Variants in LYN observed in about 807,000 individuals in gnomAD.
The protein encoded by LYN is tyrosine-protein kinase Lyn.
Under a neutral mutation model 65.0 loss-of-function variants are expected in LYN, and 12 were observed. The observed-to-expected ratio is 0.18, with a 90% CI of 0.12 to 0.30. The LOEUF (loss-of-function observed/expected upper bound fraction) is 0.30, where lower values mean the gene tolerates loss of function less well. Among genes scored for constraint, LYN ranks in the 10% least tolerant of loss-of-function variants. The probability of loss-of-function intolerance (pLI) is 1.00; values close to 1 mark genes in which losing one functional copy is unlikely to be tolerated. For synonymous variants in LYN, 222 were observed against 221.2 expected (o/e 1.00, Z -0.03); for missense variants, 380 against 623.2 (o/e 0.61, Z 4.16).
At chr8:55,993,177 T>A (rs2130573824) in intron 10 of LYN, among the ~76,000 whole-genome samples, 1 of 152,340 alleles carries the variant, frequency 6.6e-6, no homozygotes, top group South Asian at 2.1e-4. Flanking sequence ...TAATTTTAAT[T>A]CAGTAATTCT....
At chr8:55,906,748 A>AG (rs11417223) in intron 1 of LYN, among the ~76,000 whole-genome samples, 26,023 of 150,660 alleles carry the variant, frequency 0.17, 2,395 homozygotes, top group Middle Eastern at 0.29. Flanking sequence ...GAGAGAGAGG[A>AG]GAGAGAGAGA....
chr8:55,884,685 C>A (rs1804742337), intron 1 of LYN, among the ~76,000 whole-genome samples: 2 of 151,874 alleles, frequency 1.3e-5, no homozygotes, highest in South Asian at 2.1e-4. Flanking sequence ...GAACTCCTGA[C>A]CTTAGGTGAG....
At chr8:55,891,541 A>G (rs1400598059) in intron 1 of LYN, among the ~76,000 whole-genome samples, 1 of 151,986 alleles carries the variant, frequency 6.6e-6, no homozygotes, top group East Asian at 1.9e-4. Flanking sequence ...TTGATGGGGG[A>G]GGGAATGGGA....
chr8:55,977,303 A>G (rs17812659), intron 10 of LYN, among the ~76,000 whole-genome samples: 21,910 of 152,290 alleles, frequency 0.14, 2,140 homozygotes, highest in Middle Eastern at 0.23. Context: ...AAAAATGCTT[A>G]TACTCAGCAA....
Position 55,956,649 on chromosome 8 carries a change from C to T in LYN, c.790+2665C>T, listed in dbSNP as rs72651497. On this transcript the variant is annotated intron_variant, in intron 8 of 12. Transcript: ENST00000519728. ...GTGAATTCTCTTCCCTCTTAGAAGC[C>T]GTCACTTCTCTATAAAGCTCCAGTC... is the stretch of plus-strand genomic sequence containing the variant. Among the ~76,000 whole-genome samples the T allele has an allele frequency of 4.1e-3, 630 of 152,238 alleles. 3 individuals carry two copies. Among genetic ancestry groups the T allele is most frequent in the Non-Finnish European group, 7.6e-3 (519 of 68,016 alleles).
intron 6 of LYN, 63 bp from the exon 7 acceptor site, chr8:55,951,900 AGTT>A (rs1806961256): frequency 8.0e-7 from 1 of 1,254,956 alleles, no homozygotes; most frequent in South Asian, 1.4e-5. Context: ...TGTGTACTGC[AGTT>A]GTTGTATAAT....
intron 12 of LYN, among the ~76,000 whole-genome samples, chr8:56,002,557 G>T (rs1486700501): frequency 1.3e-5 from 2 of 151,374 alleles, no homozygotes; most frequent in African/African-American, 4.8e-5. Context: ...AGCCAAGATT[G>T]CACCACTGCA....
At chr8:55,926,038 A>G (rs1806100856) in intron 1 of LYN, among the ~76,000 whole-genome samples, 1 of 152,190 alleles carries the variant, frequency 6.6e-6, no homozygotes, top group African/African-American at 2.4e-5. Flanking sequence ...TTTTTTATTT[A>G]ATTACACAAT....
At chr8:55,982,272 ATGCT>A (rs1435911444) in intron 10 of LYN, among the ~76,000 whole-genome samples, 1 of 152,066 alleles carries the variant, frequency 6.6e-6, no homozygotes, top group Admixed American at 6.5e-5. Context: ...CTTATTCAAA[ATGCT>A]TAGGTCCAGA....
At chr8:55,977,068 C>T (rs2130543904) in intron 10 of LYN, among the ~76,000 whole-genome samples, 1 of 152,168 alleles carries the variant, frequency 6.6e-6, no homozygotes, top group Non-Finnish European at 1.5e-5. Flanking sequence ...GCCTGTAATC[C>T]CAGCTACTCA....
intron 2 of LYN, among the ~76,000 whole-genome samples, chr8:55,945,778 T>C: frequency 6.6e-6 from 1 of 152,042 alleles, no homozygotes; most frequent in South Asian, 2.1e-4. Flanking sequence ...TGTGATGGAG[T>C]CAGGGTCAGC....
chr8:55,899,218 G>A (rs1805194771), intron 1 of LYN, among the ~76,000 whole-genome samples: 1 of 152,104 alleles, frequency 6.6e-6, no homozygotes, highest in African/African-American at 2.4e-5. Flanking sequence ...CCTCTGTTAG[G>A]TAGTCAATTC....
At chr8:55,923,848 C>T (rs1156542582) in intron 1 of LYN, among the ~76,000 whole-genome samples, 1 of 150,244 alleles carries the variant, frequency 6.7e-6, no homozygotes, top group Non-Finnish European at 1.5e-5. Flanking sequence ...CAAGATCAAA[C>T]AACTTAATAA....
chr8:55,963,595 G>A (rs951248570), intron 8 of LYN, among the ~76,000 whole-genome samples: 8 of 152,338 alleles, frequency 5.3e-5, no homozygotes, highest in African/African-American at 1.7e-4. Flanking sequence ...GATATTACCA[G>A]ACTTTAAAAA....
At chr8:55,943,671 C>A (rs1315604223) in intron 2 of LYN, among the ~76,000 whole-genome samples, 2 of 151,722 alleles carry the variant, frequency 1.3e-5, no homozygotes, top group African/African-American at 2.4e-5. Flanking sequence ...CATTATCAAA[C>A]CTTTCTGCCT....
intron 8 of LYN, among the ~76,000 whole-genome samples, chr8:55,961,008 C>T (rs763733717): frequency 2.6e-5 from 4 of 152,154 alleles, no homozygotes; most frequent in Admixed American, 6.5e-5. Context: ...GACGATGTTT[C>T]CTCTGACTGC....
In LYN at chr8:55,952,030, A is replaced by G; in HGVS notation, c.552A>G (p.Lys184=). The G allele has an allele frequency of 6.2e-7, 1 of 1,612,484 alleles. No homozygotes were observed. The highest frequency in any genetic ancestry group is 8.5e-7 in the Non-Finnish European group (1 of 1,179,616). ...ATGGTGATGTTATTAAGCACTACAA[A>G]ATTAGAAGTCTGGATAATGGGGGCT... ...PVHGDVIKHY[K]IRSLDNGGYY... is the part of the protein sequence containing the mutation. Residue 184 remains lysine, a synonymous_variant, in exon 7 of 13, where the codon AAA becomes AAG. Transcript: ENST00000519728.
At chr8:55,975,618 T>C (rs1366825558) in intron 10 of LYN, among the ~76,000 whole-genome samples, 1 of 152,232 alleles carries the variant, frequency 6.6e-6, no homozygotes, top group African/African-American at 2.4e-5. Flanking sequence ...TTAAATGCTC[T>C]ATTTATCTTT....
Position 56,010,181 on chromosome 8 carries a change from T to G in LYN, c.*71T>G. Reference sequence around the variant, plus strand: ...AGAGAGGAAAAGTAACCATCACTGGTTGCACTTATGATTTCATGTGCGGGG... The same window carrying G: ...AGAGAGGAAAAGTAACCATCACTGGGTGCACTTATGATTTCATGTGCGGGG... On this transcript the variant is annotated 3_prime_UTR_variant, in exon 13 of 13. Transcript: ENST00000519728. 6.7e-7 allele frequency: 1 copy of G among 1,489,088 alleles called. No homozygotes were observed. The highest frequency in any genetic ancestry group is 9.3e-7 in the Non-Finnish European group (1 of 1,072,064). 92.2% of individuals were successfully genotyped at this position (1,489,088 alleles called of 1,614,324 possible).
Sources: allele counts gnomAD v4.1 joint callset (sites outside exome capture counted in the v4.1 genomes callset), GRCh38; gene constraint gnomAD v4.1.1; transcripts MANE v1.5; gene names NCBI Gene and HGNC (gene_info 2026-07-23, HGNC 2026-07-21).